Variants in NBEAL1 observed in about 807,000 individuals in gnomAD.
NBEAL1 encodes the protein neurobeachin like 1.
In NBEAL1, 273 loss-of-function variants were observed where a neutral mutation model predicts 351.3. The observed-to-expected ratio is 0.78, with a 90% confidence interval of 0.70 to 0.86. The LOEUF is 0.86. NBEAL1 is among the 40% of genes least tolerant of loss of function. NBEAL1 has a pLI of 0.00. For missense variants in NBEAL1, 2,961 were observed against 3,201.3 expected (o/e 0.92, Z 1.81); for synonymous variants, 1,050 against 1,086.4 (o/e 0.97, Z 0.66).
At chr2:203,130,005 T>C (rs919669282) in intron 24 of NBEAL1, among the ~76,000 whole-genome samples, 2 of 151,964 alleles carry the variant, frequency 1.3e-5, no homozygotes, top group Non-Finnish European at 2.9e-5. Context: ...CTACCAGAAA[T>C]ACAGAAAATC....
At chr2:203,109,094 C>T (rs1179645551) in intron 14 of NBEAL1, among the ~76,000 whole-genome samples, 2 of 152,116 alleles carry the variant, frequency 1.3e-5, no homozygotes, top group Non-Finnish European at 2.9e-5. Context: ...TGGTGGCTTA[C>T]GCCTGTAATC....
At chr2:203,151,746 A>G (rs530301767) in intron 35 of NBEAL1, among the ~76,000 whole-genome samples, 157 bp downstream of exon 35, 5 of 152,300 alleles carry the variant, frequency 3.3e-5, no homozygotes, top group African/African-American at 1.2e-4. Context: ...CAGTCCTGTT[A>G]CATTTGGCCT....
In NBEAL1 at chr2:203,151,462, T is replaced by G; in HGVS notation, c.5463-3T>G. 6.3e-7 allele frequency: 1 copy of G among 1,580,426 alleles called. No homozygotes were observed. Among genetic ancestry groups the G allele is most frequent in the Non-Finnish European group, 8.6e-7 (1 of 1,164,366 alleles). ...TTACTTATTTGCTTATGAATATTCT[T>G]AGGAAACAGAATCCAATTCACTGGA... On this transcript the variant is annotated splice_region_variant and splice_polypyrimidine_tract_variant and intron_variant, in intron 34 of 55. Transcript: ENST00000683969.
At chr2:203,207,277 A>G (rs368432360) in intron 51 of NBEAL1, among the ~76,000 whole-genome samples, 1 of 148,630 alleles carries the variant, frequency 6.7e-6, no homozygotes, top group African/African-American at 2.5e-5. Context: ...CACCCCGTCC[A>G]GGAGGGAGGT....
In NBEAL1 at chr2:203,155,684, G is replaced by A. The variant is rs2063780288; in HGVS notation, c.5588-2015G>A. On this transcript the variant is annotated intron_variant, in intron 35 of 55. Transcript: ENST00000683969. Reference sequence around the variant, plus strand: ...GTTGGTCTTGAATTTCTGGGCTCAAGTGATCCTTCCACCTCAGCCTCCCAG... The same window carrying A: ...GTTGGTCTTGAATTTCTGGGCTCAAATGATCCTTCCACCTCAGCCTCCCAG... Among the ~76,000 whole-genome samples the A allele has an allele frequency of 3.3e-5, 5 of 152,138 alleles. No homozygotes were observed. In the South Asian group the frequency reaches 1.0e-3, roughly 31 times the overall value.
chr2:203,075,334 C>T (rs1157876080), intron 7 of NBEAL1, among the ~76,000 whole-genome samples: 2 of 152,114 alleles, frequency 1.3e-5, no homozygotes, highest in African/African-American at 2.4e-5. Context: ...TTCTTGCCTA[C>T]TTTGTCAGAT....
chr2:203,138,945 A>G (rs557104699), intron 31 of NBEAL1, among the ~76,000 whole-genome samples, 197 bp downstream of exon 31: 1 of 152,332 alleles, frequency 6.6e-6, no homozygotes, highest in African/African-American at 2.4e-5. Context: ...ATAACTTTAT[A>G]TAATTTTAAG....
At chr2:203,027,236 T>G (rs766590286) in intron 2 of NBEAL1, among the ~76,000 whole-genome samples, 23 of 152,208 alleles carry the variant, frequency 1.5e-4, no homozygotes, top group Admixed American at 6.5e-4. Context: ...CAGCTTTTAT[T>G]TAAAATAATG....
intron 31 of NBEAL1, among the ~76,000 whole-genome samples, chr2:203,139,254 A>G (rs1324832492): frequency 1.3e-5 from 2 of 152,084 alleles, no homozygotes; most frequent in Non-Finnish European, 2.9e-5. Context: ...TATTGGTCAC[A>G]AGGAATATTT....
chr2:203,158,295 A>G (rs558302431), intron 36 of NBEAL1, among the ~76,000 whole-genome samples: 28 of 152,302 alleles, frequency 1.8e-4, no homozygotes, highest in African/African-American at 6.7e-4. Flanking sequence ...AAGACAACAT[A>G]ATTTGCCTAT....
chr2:203,079,330 C>T (rs989039134), intron 8 of NBEAL1, among the ~76,000 whole-genome samples: 1 of 152,198 alleles, frequency 6.6e-6, no homozygotes, highest in African/African-American at 2.4e-5. Flanking sequence ...AACCTGCCCA[C>T]TTCAGACTCC....
rs1180633096 is a variant in NBEAL1, at chr2:203,221,983, G to A, written c.*4629G>A. On this transcript the variant is annotated 3_prime_UTR_variant, in exon 56 of 56. Coordinates refer to ENST00000683969, the MANE Select transcript of NBEAL1 (RefSeq NM_001378026.1). Reference sequence around the variant, plus strand: ...GCAGGAGGATCACTGGAGCCTAGGAGCTCAAGACCAGCCTGGGCAGCATAG... The same window carrying A: ...GCAGGAGGATCACTGGAGCCTAGGAACTCAAGACCAGCCTGGGCAGCATAG... Among the ~76,000 whole-genome samples the A allele has an allele frequency of 6.6e-6, 1 of 152,108 alleles. No individual in the cohort carries two copies. Among genetic ancestry groups the A allele is most frequent in the Non-Finnish European group, 1.5e-5 (1 of 68,012 alleles).
chr2:203,019,973 T>C (rs1222171604), intron 2 of NBEAL1, among the ~76,000 whole-genome samples: 3 of 152,198 alleles, frequency 2.0e-5, no homozygotes, highest in African/African-American at 7.2e-5. Context: ...GCAATTTATT[T>C]GATTTTATTT....
At chr2:203,036,242 C>A (rs902575407) in intron 2 of NBEAL1, among the ~76,000 whole-genome samples, 3 of 149,274 alleles carry the variant, frequency 2.0e-5, no homozygotes, top group African/African-American at 7.3e-5. Flanking sequence ...GTGTGAGGAT[C>A]TTTCTTTTTA....
At chr2:203,080,301 A>G (rs2061850112) in intron 8 of NBEAL1, among the ~76,000 whole-genome samples, 1 of 151,952 alleles carries the variant, frequency 6.6e-6, no homozygotes, top group South Asian at 2.1e-4. Flanking sequence ...AATCCCTGCT[A>G]CTCTGGAGGC....
chr2:203,197,974 C>G (rs1169596350), intron 48 of NBEAL1, among the ~76,000 whole-genome samples: 1 of 149,774 alleles, frequency 6.7e-6, no homozygotes, highest in Admixed American at 6.7e-5. Flanking sequence ...TGAGCAGTGG[C>G]AATCTTGTGA....
intron 46 of NBEAL1, among the ~76,000 whole-genome samples, chr2:203,193,427 A>C (rs1050846105): frequency 2.6e-5 from 4 of 152,246 alleles, no homozygotes; most frequent in African/African-American, 9.6e-5. Context: ...TCTAGCTTTA[A>C]GGCACTTATA....
intron 24 of NBEAL1, among the ~76,000 whole-genome samples, chr2:203,129,069 G>T (rs2063013313): frequency 6.6e-6 from 1 of 152,166 alleles, no homozygotes; most frequent in Non-Finnish European, 1.5e-5. Context: ...TGTTAGAAAT[G>T]CAGATATACT....
Position 203,126,693 on chromosome 2 carries a change from G to A in NBEAL1, c.3122G>A (p.Arg1041His), listed in dbSNP as rs745393271. The change falls in exon 22 of 56, where the codon CGT becomes CAT. Residue 1041 changes from arginine to histidine, a missense_variant. By Grantham distance (29) the Arg-to-His change is conservative. Coordinates refer to ENST00000683969, the MANE Select transcript of NBEAL1 (RefSeq NM_001378026.1). Reference sequence around the variant, plus strand: ...CTCTTTGACTTTCGTATTTGGAACCGTGGAGATTTTCCCTTTCGAATCGGT... The same window carrying A: ...CTCTTTGACTTTCGTATTTGGAACCATGGAGATTTTCCCTTTCGAATCGGT... ...YLLFDFRIWN[R>H]GDFPFRIGHI... 6 of 1,510,470 alleles carry A rather than the reference G, an allele frequency of 4.0e-6. No individual in the cohort carries two copies. In the African/African-American group the frequency reaches 5.6e-5, roughly 14 times the overall value. 93.6% of individuals were successfully genotyped at this position (1,510,470 alleles called of 1,614,324 possible). A position where few individuals can be genotyped will look rare whatever the true frequency, so the allele number is the denominator to read the frequency against.
Sources: allele counts gnomAD v4.1 joint callset (sites outside exome capture counted in the v4.1 genomes callset), GRCh38; gene constraint gnomAD v4.1.1; transcripts MANE v1.5; gene names NCBI Gene and HGNC (gene_info 2026-07-23, HGNC 2026-07-21).